The following PPP6C variants were observed in gnomAD, a reference collection of about 807,000 sequenced individuals.
The protein encoded by PPP6C is protein phosphatase 6 catalytic subunit, also known as serine/threonine-protein phosphatase 6 catalytic subunit.
In PPP6C, 11 loss-of-function variants were observed where a neutral mutation model predicts 39.8. The ratio of observed to expected loss-of-function variants is 0.28; its 90% CI spans 0.17 to 0.46. The LOEUF (loss-of-function observed/expected upper bound fraction) is 0.46. Ranked by LOEUF, PPP6C falls within the 20% of genes least tolerant of loss-of-function variation. The pLI, the probability that PPP6C is intolerant of heterozygous loss-of-function variation, is 1.00. For synonymous variants in PPP6C, 129 were observed against 130.3 expected (o/e 0.99, Z 0.07); for missense variants, 211 against 373.9 (o/e 0.56, Z 3.59).
chr9:125,160,193 T>G (rs986897971), intron 3 of PPP6C, among the ~76,000 whole-genome samples: 7 of 152,166 alleles, frequency 4.6e-5, no homozygotes, highest in African/African-American at 1.7e-4. Context: ...TAAAAATGAA[T>G]GCTCGAAAAG....
At chr9:125,178,222 G>A (rs1350153075) in intron 1 of PPP6C, among the ~76,000 whole-genome samples, 3 of 152,168 alleles carry the variant, frequency 2.0e-5, no homozygotes, top group Non-Finnish European at 4.4e-5. Flanking sequence ...ATAAGAAACT[G>A]CCAAACCGTC....
At chr9:125,162,191 C>T (rs1223039865) in intron 2 of PPP6C, among the ~76,000 whole-genome samples, 2 of 151,906 alleles carry the variant, frequency 1.3e-5, no homozygotes. Flanking sequence ...ACTTTGGGAG[C>T]TCACGCCTGT....
At chr9:125,165,537 T>C (rs914969025) in intron 2 of PPP6C, among the ~76,000 whole-genome samples, 1 of 152,080 alleles carries the variant, frequency 6.6e-6, no homozygotes, top group Admixed American at 6.6e-5. Context: ...ATCTCTTCAA[T>C]GTCTGGCTAA....
At chr9:125,160,980 T>C in intron 2 of PPP6C, 74 bp from the exon 3 acceptor site, 5 of 1,073,386 alleles carry the variant, frequency 4.7e-6, no homozygotes, top group Non-Finnish European at 6.7e-6. Flanking sequence ...GAGAGTGAAA[T>C]GTGTAAAGAA....
chr9:125,168,952 G>C (rs1377182786), intron 2 of PPP6C, among the ~76,000 whole-genome samples: 2 of 151,496 alleles, frequency 1.3e-5, no homozygotes, highest in Admixed American at 6.6e-5. Context: ...GTAGAGACAG[G>C]GTTTCACCAT....
intron 4 of PPP6C, among the ~76,000 whole-genome samples, chr9:125,156,754 TC>T (rs1836087248): frequency 6.8e-6 from 1 of 147,426 alleles, no homozygotes; most frequent in African/African-American, 2.5e-5. Context: ...GCTCTCTCTC[TC>T]TCTCTCTCTC....
chr9:125,171,203 G>A (rs1225567048), intron 1 of PPP6C, 23 bp from the exon 2 acceptor site: 2 of 1,482,946 alleles, frequency 1.3e-6, no homozygotes, highest in Non-Finnish European at 9.2e-7. Context: ...AAAATAAAAG[G>A]TAAACATTTA....
chr9:125,165,029 GC>G (rs1828982358), intron 2 of PPP6C, among the ~76,000 whole-genome samples: 1 of 151,764 alleles, frequency 6.6e-6, no homozygotes, highest in Admixed American at 6.6e-5. Context: ...GAGCCACCGC[GC>G]CCGGCTGGGA....
At chr9:125,175,263 T>C (rs1273665104) in intron 1 of PPP6C, among the ~76,000 whole-genome samples, 1 of 152,104 alleles carries the variant, frequency 6.6e-6, no homozygotes, top group Non-Finnish European at 1.5e-5. Flanking sequence ...ACAATGTTTC[T>C]GAACTTTGAG....
chr9:125,164,435 C>A (rs1156752246), intron 2 of PPP6C, among the ~76,000 whole-genome samples: 1 of 151,544 alleles, frequency 6.6e-6, no homozygotes, highest in Non-Finnish European at 1.5e-5. Context: ...GCCACATTGG[C>A]CAGGTTGGTC....
chr9:125,158,172 T>C (rs1400946631), intron 4 of PPP6C, 69 bp downstream of exon 4: 1 of 1,450,682 alleles, frequency 6.9e-7, no homozygotes, highest in Non-Finnish European at 9.5e-7. Flanking sequence ...TGTGTATGAC[T>C]TGTGTAGCTT....
intron 1 of PPP6C, among the ~76,000 whole-genome samples, chr9:125,185,890 C>G (rs1829519395): frequency 6.6e-6 from 1 of 151,922 alleles, no homozygotes; most frequent in Admixed American, 6.6e-5. Context: ...AAGGCTGAGG[C>G]AGGAGAATCG....
Position 125,149,420 on chromosome 9 carries a change from T to C in PPP6C, c.*253A>G, listed in dbSNP as rs890442198. On this transcript the variant is annotated 3_prime_UTR_variant, in exon 7 of 7. Coordinates refer to ENST00000373547, the MANE Select transcript of PPP6C (RefSeq NM_002721.5). ...CAAGAGCTACATGCAGCAGTGTGAG[T>C]ATTAAGACATTTCTCAAGTCTTCTC... 9.9e-6 allele frequency: 4 copies of C among 403,008 alleles called. No homozygotes were observed. Among genetic ancestry groups the C allele is most frequent in the African/African-American group, 6.1e-5 (3 of 49,264 alleles). The allele number at this position is 403,008 out of a possible 1,614,324, so 25.0% of individuals were successfully genotyped here. A position where few individuals can be genotyped will look rare whatever the true frequency, so the allele number is the denominator to read the frequency against.
At position 125,149,661 on chromosome 9, in the gene PPP6C, T is replaced by A; in HGVS notation, c.*12A>T. 1 of 1,611,362 alleles carries A rather than the reference T, an allele frequency of 6.2e-7. No homozygotes were observed. The highest frequency in any genetic ancestry group is 8.5e-7 in the Non-Finnish European group (1 of 1,177,744). Reference sequence around the variant, plus strand: ...AGGGCAGAAAAATGGGTCAGCAGGATGGGCGAAGGCCTCAAAGGAAATATG... The same window carrying A: ...AGGGCAGAAAAATGGGTCAGCAGGAAGGGCGAAGGCCTCAAAGGAAATATG... On this transcript the variant is annotated 3_prime_UTR_variant, in exon 7 of 7. Coordinates refer to ENST00000373547, the MANE Select transcript of PPP6C (RefSeq NM_002721.5).
chr9:125,171,179 CG>C lies in PPP6C; in HGVS notation c.76del (p.Arg26GlyfsTer11). The C allele has an allele frequency of 6.4e-7, 1 of 1,565,318 alleles. No homozygotes were observed. Among genetic ancestry groups the C allele is most frequent in the Non-Finnish European group, 8.7e-7 (1 of 1,149,946 alleles). On this transcript the variant is annotated frameshift_variant and splice_region_variant, in exon 2 of 7. Coordinates refer to ENST00000373547, the MANE Select transcript of PPP6C (RefSeq NM_002721.5). LOFTEE classifies it high-confidence loss of function. Reference protein sequence around the residue: ...CKYLPENDLKRLCDYVCDLLL... With the variant: ...CKYLPENDLKXLCDYVCDLLL... ...GAGGTCACAAACGTAGTCACATAGC[CG>C]CTATAAAAAGAGAAAATAAAAGGTA...
At chr9:125,184,595 T>C (rs1274227874) in intron 1 of PPP6C, among the ~76,000 whole-genome samples, 2 of 151,698 alleles carry the variant, frequency 1.3e-5, no homozygotes, top group Non-Finnish European at 2.9e-5. Flanking sequence ...AACAAGTATT[T>C]GTCATAAAGC....
chr9:125,172,385 T>C (rs1829190240), intron 1 of PPP6C, among the ~76,000 whole-genome samples: 1 of 152,102 alleles, frequency 6.6e-6, no homozygotes, highest in South Asian at 2.1e-4. Context: ...CAGCTAATTT[T>C]TGTATTCTTA....
At chr9:125,159,212 A>ATT (rs746652999) in intron 3 of PPP6C, among the ~76,000 whole-genome samples, 10 of 96,480 alleles carry the variant, frequency 1.0e-4, no homozygotes, top group Admixed American at 6.1e-4. Flanking sequence ...CTAATTTTGT[A>ATT]TTTTTTTTTT....
chr9:125,171,478 C>CATATATATATATATATATAT (rs59002869), intron 1 of PPP6C, among the ~76,000 whole-genome samples: 1 of 83,530 alleles, frequency 1.2e-5, no homozygotes, highest in Non-Finnish European at 2.2e-5. Flanking sequence ...CACACACACA[C>CATATATATATATATATATAT]ATATATATAT....
Sources: gnomAD v4.1 joint callset for allele counts (sites outside exome capture counted in the v4.1 genomes callset) on GRCh38, gnomAD v4.1.1 for gene constraint, MANE v1.5 for transcripts, NCBI Gene and HGNC (gene_info 2026-07-23, HGNC 2026-07-21) for gene names.